Variants in CEPT1 observed in about 807,000 individuals in gnomAD.
CEPT1 encodes the protein choline/ethanolaminephosphotransferase 1.
In CEPT1, 7 loss-of-function variants were observed where a neutral mutation model predicts 42.6. That is an observed-to-expected ratio of 0.16 (90% CI 0.09 to 0.31). CEPT1 has a LOEUF of 0.31. Ranked by LOEUF, CEPT1 falls within the 10% of genes least tolerant of loss-of-function variation. The pLI is 1.00. For missense variants in CEPT1, 306 were observed against 502.1 expected (o/e 0.61, Z 3.73); for synonymous variants, 171 against 171.9 (o/e 0.99, Z 0.04).
chr1:111,179,720 A>G (rs1275421492), intron 5 of CEPT1: 2 of 152,062 alleles, frequency 1.3e-5, no homozygotes, highest in African/African-American at 2.4e-5. Flanking sequence ...TTCATTGCTA[A>G]TGTGGGGGCT....
chr1:111,158,902 CT>C (rs149230078), intron 2 of CEPT1, among the ~76,000 whole-genome samples: 124 of 55,438 alleles, frequency 2.2e-3, no homozygotes, highest in Middle Eastern at 0.013. Context: ...TTTTACAATT[CT>C]TTTTTTTTTT....
At chr1:111,140,657 C>G (rs1654432054) in intron 1 of CEPT1, 2 of 152,436 alleles carry the variant, frequency 1.3e-5, no homozygotes, top group African/African-American at 2.4e-5. Flanking sequence ...GGGCCGAGGG[C>G]TGGGAGCGCT....
chr1:111,167,643 C>T, intron 4 of CEPT1: 3 of 978,304 alleles, frequency 3.1e-6, no homozygotes, highest in Non-Finnish European at 3.6e-6. Context: ...ATACTTTAAG[C>T]AGTCTAGTAC....
intron 2 of CEPT1, among the ~76,000 whole-genome samples, chr1:111,155,099 C>T (rs902728256): frequency 3.9e-5 from 6 of 152,246 alleles, no homozygotes; most frequent in African/African-American, 1.2e-4. Context: ...GCAGTAAAGG[C>T]ATTTGGTCCT....
chr1:111,142,570 G>T (rs371240680), intron 1 of CEPT1, among the ~76,000 whole-genome samples: 1 of 152,164 alleles, frequency 6.6e-6, no homozygotes, highest in East Asian at 1.9e-4. Flanking sequence ...CACAGGAATC[G>T]CTTGAACCCA....
chr1:111,159,954 A>C (rs1213037215), intron 3 of CEPT1: 1 of 154,088 alleles, frequency 6.5e-6, no homozygotes, highest in East Asian at 1.9e-4. Flanking sequence ...GACTATGACA[A>C]ATTAGGAGTA....
intron 1 of CEPT1, among the ~76,000 whole-genome samples, chr1:111,141,811 TTTC>T (rs1345019632): frequency 6.6e-6 from 1 of 152,176 alleles, no homozygotes; most frequent in Non-Finnish European, 1.5e-5. Flanking sequence ...TAGTTTTCTT[TTTC>T]TTTTTTTTCT....
intron 4 of CEPT1, among the ~76,000 whole-genome samples, chr1:111,170,225 A>C (rs1656353016): frequency 6.6e-6 from 1 of 152,074 alleles, no homozygotes; most frequent in South Asian, 2.1e-4. Flanking sequence ...CTGCCCTTTA[A>C]ATTTAAGACC....
At chr1:111,169,667 A>G (rs1656324428) in intron 4 of CEPT1, among the ~76,000 whole-genome samples, 2 of 152,190 alleles carry the variant, frequency 1.3e-5, no homozygotes, top group South Asian at 4.1e-4. Flanking sequence ...AACTGATTTG[A>G]TAATTAAAAT....
intron 2 of CEPT1, among the ~76,000 whole-genome samples, chr1:111,149,178 T>G (rs1023030291): frequency 2.6e-5 from 4 of 152,046 alleles, no homozygotes; most frequent in Admixed American, 1.3e-4. Flanking sequence ...ATTTTCCAGG[T>G]TTTCATTTCC....
chr1:111,162,815 G>C (rs1655938426), intron 4 of CEPT1, among the ~76,000 whole-genome samples: 1 of 152,194 alleles, frequency 6.6e-6, no homozygotes, highest in Non-Finnish European at 1.5e-5. Context: ...TAGGGGATAA[G>C]AAGTGAATGG....
At chr1:111,165,300 G>T (rs1044585613) in intron 4 of CEPT1, among the ~76,000 whole-genome samples, 1 of 151,262 alleles carries the variant, frequency 6.6e-6, no homozygotes, top group Non-Finnish European at 1.5e-5. Flanking sequence ...CGCCCGCCTT[G>T]GCCTCCCAAA....
At chr1:111,156,399 C>T (rs1655575441) in intron 2 of CEPT1, among the ~76,000 whole-genome samples, 1 of 152,166 alleles carries the variant, frequency 6.6e-6, no homozygotes. Flanking sequence ...ATGAAATGTT[C>T]TGTAAATGTC....
intron 1 of CEPT1, among the ~76,000 whole-genome samples, chr1:111,141,350 A>G (rs1228087083): frequency 6.6e-6 from 1 of 152,236 alleles, no homozygotes. Flanking sequence ...TTTTATGCTG[A>G]GAAAAACTAG....
chr1:111,182,149 T>C (rs781132220), intron 5 of CEPT1, 38 bp from the exon 6 acceptor site: 1 of 1,489,970 alleles, frequency 6.7e-7, no homozygotes. Flanking sequence ...TTTTAGTTTG[T>C]ATATGTTTTA....
intron 5 of CEPT1, chr1:111,179,922 A>G (rs1054917930): frequency 2.0e-5 from 3 of 152,228 alleles, no homozygotes; most frequent in African/African-American, 7.2e-5. Context: ...GCTAACATAT[A>G]TGACAAAAGT....
At chr1:111,167,795 T>A in intron 4 of CEPT1, 1 of 901,242 alleles carries the variant, frequency 1.1e-6, no homozygotes, top group Non-Finnish European at 1.3e-6. Context: ...TTCATGTTAC[T>A]ATAGTCATTC....
At chr1:111,149,617 AC>A (rs1190171662) in intron 2 of CEPT1, among the ~76,000 whole-genome samples, 1 of 152,106 alleles carries the variant, frequency 6.6e-6, no homozygotes, top group Non-Finnish European at 1.5e-5. Context: ...AAAAACACAA[AC>A]CAGTACATTA....
chr1:111,167,218 G>A (rs999533948), intron 4 of CEPT1: 26 of 985,054 alleles, frequency 2.6e-5, no homozygotes, highest in Non-Finnish European at 3.0e-5. Context: ...CATGCTATCT[G>A]ATGTACAATG....
Sources: allele counts gnomAD v4.1 joint callset (sites outside exome capture counted in the v4.1 genomes callset), GRCh38; gene constraint gnomAD v4.1.1; transcripts MANE v1.5; gene names NCBI Gene and HGNC (gene_info 2026-07-23, HGNC 2026-07-21).